The following COMMD10 variants were observed in gnomAD, a reference collection of about 807,000 sequenced individuals.
COMMD10 encodes COMM domain containing 10, also known as COMM domain-containing protein 10.
In COMMD10, 33 loss-of-function variants were observed where a neutral mutation model predicts 28.9. That is an observed-to-expected ratio of 1.14 (90% CI 0.87 to 1.53). COMMD10 has a LOEUF of 1.53. Among genes scored for constraint, COMMD10 ranks in the 40% most tolerant of loss-of-function variants. The probability of loss-of-function intolerance (pLI) is 0.00; values close to 1 mark genes in which losing one functional copy is unlikely to be tolerated. For missense variants in COMMD10, 310 were observed against 233.4 expected (o/e 1.33, Z -2.14); for synonymous variants, 110 against 81.7 (o/e 1.35, Z -1.87).
chr5:116,172,744 G>C (rs7736793), intron 5 of COMMD10, among the ~76,000 whole-genome samples: 16,471 of 152,098 alleles, frequency 0.11, 1,326 homozygotes, highest in African/African-American at 0.22. Context: ...TCTGAATCCT[G>C]GCTGTGCATA....
At chr5:116,115,184 A>G (rs1422678772) in intron 4 of COMMD10, among the ~76,000 whole-genome samples, 2 of 152,092 alleles carry the variant, frequency 1.3e-5, no homozygotes, top group Non-Finnish European at 2.9e-5. Context: ...GTTCCTTTAT[A>G]CAGTCTCCTG....
chr5:116,154,625 G>A (rs1353259358), intron 5 of COMMD10, among the ~76,000 whole-genome samples: 1 of 152,068 alleles, frequency 6.6e-6, no homozygotes, highest in Non-Finnish European at 1.5e-5. Context: ...TATACATTAA[G>A]TGATTTATAT....
chr5:116,271,503 C>T (rs1175651671), intron 5 of COMMD10, among the ~76,000 whole-genome samples: 1 of 151,346 alleles, frequency 6.6e-6, no homozygotes, highest in Non-Finnish European at 1.5e-5. Flanking sequence ...AGTATAAGTA[C>T]CCTCCATGAA....
At chr5:116,149,175 G>T (rs1250626773) in intron 5 of COMMD10, among the ~76,000 whole-genome samples, 1 of 132,318 alleles carries the variant, frequency 7.6e-6, no homozygotes, top group African/African-American at 3.7e-5. Flanking sequence ...TCCCTACAAA[G>T]GACATGAACT....
intron 5 of COMMD10, among the ~76,000 whole-genome samples, chr5:116,210,722 C>T (rs2112633244): frequency 6.6e-6 from 1 of 152,204 alleles, no homozygotes; most frequent in African/African-American, 2.4e-5. Flanking sequence ...TTTATCACTG[C>T]CACCTTATTT....
chr5:116,280,606 A>T (rs1024563679), intron 5 of COMMD10, among the ~76,000 whole-genome samples: 1 of 151,732 alleles, frequency 6.6e-6, no homozygotes, highest in Non-Finnish European at 1.5e-5. Flanking sequence ...AGCACATGTT[A>T]CTCTTAAATG....
intron 4 of COMMD10, among the ~76,000 whole-genome samples, chr5:116,133,101 G>A (rs1380914532): frequency 6.6e-6 from 1 of 152,094 alleles, no homozygotes; most frequent in Non-Finnish European, 1.5e-5. Context: ...TTGTGAGCCT[G>A]CCATTCTTAC....
At chr5:116,187,348 T>C (rs1029838822) in intron 5 of COMMD10, among the ~76,000 whole-genome samples, 8 of 152,308 alleles carry the variant, frequency 5.3e-5, no homozygotes, top group African/African-American at 1.9e-4. Context: ...TTGTGAATTT[T>C]ATTTATATGC....
At chr5:116,180,671 A>G (rs1382848822) in intron 5 of COMMD10, among the ~76,000 whole-genome samples, 1 of 152,046 alleles carries the variant, frequency 6.6e-6, no homozygotes, top group Non-Finnish European at 1.5e-5. Context: ...GTGAAACCAA[A>G]ATTAAAAAAA....
chr5:116,180,575 C>G (rs1224171139), intron 5 of COMMD10, among the ~76,000 whole-genome samples: 1 of 151,762 alleles, frequency 6.6e-6, no homozygotes, highest in Non-Finnish European at 1.5e-5. Flanking sequence ...TTTCTATTAG[C>G]AGTTCATTCT....
chr5:116,147,008 C>T (rs372876259), intron 5 of COMMD10, among the ~76,000 whole-genome samples: 1 of 151,802 alleles, frequency 6.6e-6, no homozygotes, highest in Non-Finnish European at 1.5e-5. Context: ...ATCAGATCCT[C>T]GAGTCTTATA....
chr5:116,122,117 C>G (rs1015325034), intron 4 of COMMD10, among the ~76,000 whole-genome samples: 4 of 152,130 alleles, frequency 2.6e-5, no homozygotes, highest in Non-Finnish European at 5.9e-5. Context: ...TGTTTTAGGT[C>G]TAACATGTAA....
At chr5:116,258,009 T>C (rs934517966) in intron 5 of COMMD10, among the ~76,000 whole-genome samples, 1 of 151,662 alleles carries the variant, frequency 6.6e-6, no homozygotes, top group African/African-American at 2.4e-5. Context: ...TTAAAGAGGG[T>C]TCAGCAGCTC....
intron 5 of COMMD10, among the ~76,000 whole-genome samples, chr5:116,242,998 T>C (rs1749851356): frequency 1.3e-5 from 2 of 152,354 alleles, no homozygotes; most frequent in African/African-American, 4.8e-5. Context: ...TTAAAATGTT[T>C]ATTTTTAAAA....
intron 5 of COMMD10, among the ~76,000 whole-genome samples, chr5:116,249,382 C>A (rs2112671824): frequency 1.3e-5 from 2 of 151,948 alleles, no homozygotes; most frequent in South Asian, 4.2e-4. Flanking sequence ...TTTCGTAGAG[C>A]TCATTTGTTT....
intron 5 of COMMD10, among the ~76,000 whole-genome samples, chr5:116,226,453 C>A (rs1422498): frequency 0.12 from 15,604 of 134,484 alleles, 879 homozygotes; most frequent in East Asian, 0.15. Context: ...AATTATATTT[C>A]AGCTGATGGA....
intron 4 of COMMD10, among the ~76,000 whole-genome samples, chr5:116,101,371 T>A (rs567534093): frequency 7.1e-4 from 108 of 152,198 alleles, no homozygotes; most frequent in African/African-American, 2.4e-3. Context: ...GAGTTCTCTT[T>A]TCTCCACATC....
chr5:116,217,687 G>T (rs1749140592), intron 5 of COMMD10, among the ~76,000 whole-genome samples: 1 of 152,166 alleles, frequency 6.6e-6, no homozygotes, highest in Admixed American at 6.5e-5. Flanking sequence ...AGGGAGAAGA[G>T]AGATAAAAAT....
intron 5 of COMMD10, among the ~76,000 whole-genome samples, chr5:116,169,979 C>T (rs557805038): frequency 7.9e-5 from 12 of 151,900 alleles, no homozygotes; most frequent in Non-Finnish European, 1.3e-4. Context: ...GTATGGGAAG[C>T]CCTGGCCAGG....
Sources: gnomAD v4.1 joint callset for allele counts (sites outside exome capture counted in the v4.1 genomes callset) on GRCh38, gnomAD v4.1.1 for gene constraint, MANE v1.5 for transcripts, NCBI Gene and HGNC (gene_info 2026-07-23, HGNC 2026-07-21) for gene names.